Variants in SLC25A26 observed in about 807,000 individuals in gnomAD.
The protein encoded by SLC25A26 is mitochondrial S-adenosylmethionine carrier protein.
A neutral mutation model predicts 37.8 loss-of-function variants in SLC25A26; 36 were observed. The ratio of observed to expected loss-of-function variants is 0.95; its 90% CI spans 0.73 to 1.26. The LOEUF (loss-of-function observed/expected upper bound fraction) is 1.26, where lower values mean the gene tolerates loss of function less well. Among genes scored for constraint, SLC25A26 ranks in the 50% most tolerant of loss-of-function variants. The pLI is 0.00. For synonymous variants in SLC25A26, 129 were observed against 122.5 expected, an observed-to-expected ratio of 1.05 and a Z score of -0.35; for missense variants, 390 against 331.1, an observed-to-expected ratio of 1.18 and a Z score of -1.38.
chr3:66,304,381 C>T, intron 5 of SLC25A26: 5 of 453,968 alleles, frequency 1.1e-5, no homozygotes, highest in Admixed American at 9.5e-5. Flanking sequence ...AAGCTAATAT[C>T]TTCCCTTTTC....
At chr3:66,369,454 G>T in intron 7 of SLC25A26, 24 bp from the exon 8 acceptor site, 3 of 1,587,698 alleles carry the variant, frequency 1.9e-6, no homozygotes, top group Admixed American at 1.8e-5. Flanking sequence ...GATCTCACTT[G>T]GGTGTTGGGT....
intron 5 of SLC25A26, among the ~76,000 whole-genome samples, chr3:66,287,255 C>T (rs2074546059): frequency 6.7e-6 from 1 of 149,556 alleles, no homozygotes; most frequent in South Asian, 2.1e-4. Flanking sequence ...CAGATCACGC[C>T]ATTGCACTCT....
chr3:66,269,072 A>G (rs906604599), intron 5 of SLC25A26, among the ~76,000 whole-genome samples: 8 of 152,238 alleles, frequency 5.3e-5, no homozygotes. Flanking sequence ...CTTACCAGCC[A>G]TCTGCTCCTG....
chr3:66,148,778 G>A (rs2070156772), intron 1 of SLC25A26, among the ~76,000 whole-genome samples: 1 of 152,168 alleles, frequency 6.6e-6, no homozygotes, highest in Admixed American at 6.5e-5. Context: ...GGCTGGTCTC[G>A]AACTCCTGGG....
intron 3 of SLC25A26, among the ~76,000 whole-genome samples, chr3:66,252,454 T>C (rs2073121736): frequency 6.6e-6 from 1 of 152,218 alleles, no homozygotes; most frequent in Non-Finnish European, 1.5e-5. Context: ...GCTGTCAAGT[T>C]ACACAGATCG....
At chr3:66,154,945 C>T (rs55742448) in intron 1 of SLC25A26, among the ~76,000 whole-genome samples, 13,310 of 152,242 alleles carry the variant, frequency 0.087, 728 homozygotes, top group Middle Eastern at 0.16. Flanking sequence ...TATGAGTATT[C>T]CCTATTCTGA....
intron 3 of SLC25A26, among the ~76,000 whole-genome samples, chr3:66,260,714 G>A (rs986507001): frequency 6.6e-6 from 1 of 152,198 alleles, no homozygotes; most frequent in African/African-American, 2.4e-5. Context: ...TTCCCTTGGA[G>A]TAGGAGTTGG....
chr3:66,269,014 G>A (rs763236196), intron 5 of SLC25A26, among the ~76,000 whole-genome samples: 7 of 152,198 alleles, frequency 4.6e-5, no homozygotes, highest in Non-Finnish European at 7.3e-5. Flanking sequence ...TTATAGCAGT[G>A]TGAGAATGGA....
chr3:66,184,043 C>T (rs898811402), intron 1 of SLC25A26, among the ~76,000 whole-genome samples: 1 of 152,030 alleles, frequency 6.6e-6, no homozygotes, highest in African/African-American at 2.4e-5. Context: ...ATAAATCTGG[C>T]CCTGTCTCTG....
intron 7 of SLC25A26, among the ~76,000 whole-genome samples, chr3:66,364,662 C>T (rs191578423): frequency 2.6e-5 from 4 of 152,238 alleles, no homozygotes; most frequent in Non-Finnish European, 5.9e-5. Flanking sequence ...TCTGCAAAAC[C>T]GAGTCGATGT....
At chr3:66,241,908 A>T (rs1234775521) in intron 2 of SLC25A26, among the ~76,000 whole-genome samples, 1 of 148,598 alleles carries the variant, frequency 6.7e-6, no homozygotes, top group Non-Finnish European at 1.5e-5. Context: ...TAGAGAAAGC[A>T]TAGCTTTTTT....
chr3:66,241,543 A>G (rs1469568667), intron 2 of SLC25A26, among the ~76,000 whole-genome samples: 1 of 152,222 alleles, frequency 6.6e-6, no homozygotes, highest in Non-Finnish European at 1.5e-5. Context: ...TCGGGAGTTT[A>G]CATATATAAT....
intron 5 of SLC25A26, among the ~76,000 whole-genome samples, chr3:66,314,304 G>T (rs1195388734): frequency 6.6e-6 from 1 of 152,118 alleles, no homozygotes; most frequent in African/African-American, 2.4e-5. Flanking sequence ...TCAATACCTA[G>T]TTTATTGAGA....
chr3:66,266,861 C>T (rs932801632), intron 5 of SLC25A26, among the ~76,000 whole-genome samples: 1 of 152,088 alleles, frequency 6.6e-6, no homozygotes, highest in Admixed American at 6.5e-5. Flanking sequence ...TGCTATTGGC[C>T]TGAAAATTTT....
At chr3:66,246,977 T>G (rs952099464) in intron 3 of SLC25A26, among the ~76,000 whole-genome samples, 5 of 152,260 alleles carry the variant, frequency 3.3e-5, no homozygotes, top group Non-Finnish European at 5.9e-5. Context: ...TTCTCTTGCC[T>G]CAGCCTCCCG....
At chr3:66,236,103 T>A (rs994926682) in intron 1 of SLC25A26, among the ~76,000 whole-genome samples, 14 of 151,754 alleles carry the variant, frequency 9.2e-5, no homozygotes, top group Admixed American at 2.6e-4. Context: ...GTAGTGATGA[T>A]GTCTCACTGT....
chr3:66,214,092 TC>T (rs879040790), intron 1 of SLC25A26, among the ~76,000 whole-genome samples: 2 of 152,156 alleles, frequency 1.3e-5, no homozygotes, highest in East Asian at 3.8e-4. Context: ...GAAATGTGAT[TC>T]CCAGTGTTGG....
chr3:66,239,832 T>C (rs1194515019), intron 2 of SLC25A26, among the ~76,000 whole-genome samples: 1 of 148,074 alleles, frequency 6.8e-6, no homozygotes, highest in Non-Finnish European at 1.5e-5. Flanking sequence ...TTTTTTTTTT[T>C]TTTTTTTTAA....
At chr3:66,198,454 T>C (rs2071072828) in intron 1 of SLC25A26, among the ~76,000 whole-genome samples, 1 of 152,044 alleles carries the variant, frequency 6.6e-6, no homozygotes. Context: ...TGACCCTCAC[T>C]AGGACCTTGC....
Sources: gnomAD v4.1 joint callset for allele counts (sites outside exome capture counted in the v4.1 genomes callset) on GRCh38, gnomAD v4.1.1 for gene constraint, MANE v1.5 for transcripts, NCBI Gene and HGNC (gene_info 2026-07-23, HGNC 2026-07-21) for gene names.